Variants in JAK1 observed in about 807,000 individuals in gnomAD.
JAK1 encodes the protein Janus kinase 1.
Under a neutral mutation model 136.6 loss-of-function variants are expected in JAK1, and 16 were observed. The ratio of observed to expected loss-of-function variants is 0.12; its 90% CI spans 0.08 to 0.18. JAK1 has a LOEUF of 0.18. Among genes scored for constraint, JAK1 ranks in the 10% least tolerant of loss-of-function variants. JAK1 has a pLI of 1.00. For synonymous variants in JAK1, 492 were observed against 519.5 expected, an observed-to-expected ratio of 0.95 and a Z score of 0.72; for missense variants, 859 against 1,450.1, an observed-to-expected ratio of 0.59 and a Z score of 6.62.
chr1:64,914,601 T>C (rs1227841095), intron 1 of JAK1, among the ~76,000 whole-genome samples: 1 of 152,234 alleles, frequency 6.6e-6, no homozygotes, highest in East Asian at 1.9e-4. Context: ...GTCTCATCTG[T>C]CACCCAGGCT....
At chr1:64,841,719 A>G in intron 17 of JAK1, 118 bp from the exon 18 acceptor site, 1 of 1,009,234 alleles carries the variant, frequency 9.9e-7, no homozygotes, top group Non-Finnish European at 1.5e-6. Context: ...ACTTACAGGT[A>G]GATTTCGTAA....
chr1:64,858,500 C>A (rs1050788583), intron 9 of JAK1, among the ~76,000 whole-genome samples: 28 of 152,226 alleles, frequency 1.8e-4, no homozygotes, highest in Admixed American at 1.7e-3. Context: ...TAAGGCCTGG[C>A]AAGCCATCAT....
chr1:64,872,264 G>A (rs1262833705), intron 5 of JAK1, among the ~76,000 whole-genome samples: 2 of 152,234 alleles, frequency 1.3e-5, no homozygotes, highest in African/African-American at 4.8e-5. Context: ...GGCCATCACA[G>A]CAAAGAATCA....
chr1:65,065,609 T>G (rs191865079), intron 1 of JAK1, among the ~76,000 whole-genome samples: 1 of 151,404 alleles, frequency 6.6e-6, no homozygotes, highest in African/African-American at 2.4e-5. Flanking sequence ...GACCCTTGGG[T>G]CCCTGCTCTT....
rs75236628 is a variant in JAK1 at position 65,051,988 on chromosome 1, G to C, written c.-180-7406C>G. Among the ~76,000 whole-genome samples the C allele has an allele frequency of 7.4e-3, 1,132 of 152,234 alleles. 14 individuals are homozygous for C. Among genetic ancestry groups the C allele is most frequent in the Non-Finnish European group, 0.011 (730 of 68,020 alleles). Reference sequence around the variant, plus strand: ...ATTTGTTTATTAAGAGACAGGGTCTGGCTGTTACCCAGGCTGGAGTGCAGT... The same window carrying C: ...ATTTGTTTATTAAGAGACAGGGTCTCGCTGTTACCCAGGCTGGAGTGCAGT... On this transcript the variant is annotated intron_variant, in intron 1 of 25. Coordinates refer to the JAK1 transcript ENST00000671954.
chr1:64,975,469 A>G (rs1371440157), intron 2 of JAK1, among the ~76,000 whole-genome samples: 1 of 152,178 alleles, frequency 6.6e-6, no homozygotes, highest in African/African-American at 2.4e-5. Flanking sequence ...ATGCATGCTC[A>G]GGGAGCAGCC....
intron 24 of JAK1, among the ~76,000 whole-genome samples, chr1:64,835,157 G>A (rs1186227099): frequency 6.6e-6 from 1 of 152,218 alleles, no homozygotes; most frequent in East Asian, 1.9e-4. Flanking sequence ...GCAAGCAAGT[G>A]GATAAAGAGG....
At chr1:64,940,287 T>C (rs1645865236) in intron 1 of JAK1, among the ~76,000 whole-genome samples, 1 of 151,812 alleles carries the variant, frequency 6.6e-6, no homozygotes, top group African/African-American at 2.4e-5. Flanking sequence ...AGTCATCATT[T>C]ACAGAAGACC....
chr1:64,901,439 T>C (rs1422658831), intron 1 of JAK1, among the ~76,000 whole-genome samples: 1 of 152,196 alleles, frequency 6.6e-6, no homozygotes, highest in Non-Finnish European at 1.5e-5. Context: ...TGGAACACCA[T>C]GCCCTGAGAT....
chr1:64,906,986 T>C (rs1645200002), intron 1 of JAK1, among the ~76,000 whole-genome samples: 1 of 135,862 alleles, frequency 7.4e-6, no homozygotes, highest in African/African-American at 2.7e-5. Context: ...AGACTTCTCT[T>C]AACAGTGAGG....
At chr1:65,035,400 T>C (rs1647064005) in intron 2 of JAK1, among the ~76,000 whole-genome samples, 1 of 152,192 alleles carries the variant, frequency 6.6e-6, no homozygotes. Flanking sequence ...GTATAAAGTT[T>C]AGCTGAGGAA....
At chr1:65,039,735 A>G (rs1446613918) in intron 2 of JAK1, among the ~76,000 whole-genome samples, 5 of 152,134 alleles carry the variant, frequency 3.3e-5, no homozygotes, top group African/African-American at 4.8e-5. Flanking sequence ...GTATTTTTGG[A>G]TGCTGACTGA....
At chr1:65,002,099 G>A (rs899698278) in intron 2 of JAK1, among the ~76,000 whole-genome samples, 12 of 151,954 alleles carry the variant, frequency 7.9e-5, no homozygotes, top group African/African-American at 2.9e-4. Context: ...GAAAACTGAG[G>A]CTCAGAGTCT....
intron 1 of JAK1, among the ~76,000 whole-genome samples, chr1:64,950,004 G>A (rs898192418): frequency 2.0e-5 from 3 of 152,054 alleles, no homozygotes; most frequent in African/African-American, 7.2e-5. Flanking sequence ...TAAGAAGACA[G>A]GTATATGTAT....
upstream of JAK1, among the ~76,000 whole-genome samples, chr1:64,969,406 C>A (rs1370860441): frequency 6.7e-6 from 1 of 148,424 alleles, no homozygotes; most frequent in Admixed American, 6.7e-5. Context: ...CCATCACACC[C>A]CCCCGCAACT....
intron 2 of JAK1, chr1:64,974,858 C>A (rs1557738082): frequency 6.6e-6 from 1 of 152,224 alleles, no homozygotes; most frequent in Non-Finnish European, 1.5e-5. Context: ...CCAGCATTCT[C>A]TTTTCTTTTT....
At chr1:64,961,691 A>G (rs1646285344) in intron 1 of JAK1, among the ~76,000 whole-genome samples, 1 of 152,010 alleles carries the variant, frequency 6.6e-6, no homozygotes, top group African/African-American at 2.4e-5. Context: ...ATCTCTGCCT[A>G]GACTTCCTTC....
At chr1:65,032,918 TG>T (rs937842288) in intron 2 of JAK1, among the ~76,000 whole-genome samples, 1 of 152,250 alleles carries the variant, frequency 6.6e-6, no homozygotes, top group African/African-American at 2.4e-5. Context: ...CCTTTATTGT[TG>T]GGTATGTCAG....
chr1:65,037,975 A>G (rs1335515959), intron 2 of JAK1, among the ~76,000 whole-genome samples: 2 of 152,090 alleles, frequency 1.3e-5, no homozygotes, highest in East Asian at 1.9e-4. Flanking sequence ...AGTTGCTCCT[A>G]TGATTGGCTT....
Sources: gnomAD v4.1 joint callset for allele counts (sites outside exome capture counted in the v4.1 genomes callset) on GRCh38, gnomAD v4.1.1 for gene constraint, MANE v1.5 for transcripts, NCBI Gene and HGNC (gene_info 2026-07-23, HGNC 2026-07-21) for gene names.